Variants in ACOT13 observed in about 807,000 individuals in gnomAD.
The protein encoded by ACOT13 is acyl-coenzyme A thioesterase 13.
In ACOT13, 10 loss-of-function variants were observed where a neutral mutation model predicts 11.8. The ratio of observed to expected loss-of-function variants is 0.85; its 90% CI spans 0.53 to 1.44. ACOT13 has a LOEUF of 1.44. Among genes scored for constraint, ACOT13 ranks in the 40% most tolerant of loss-of-function variants. The pLI, the probability that ACOT13 is intolerant of heterozygous loss-of-function variation, is 0.00. For missense variants in ACOT13, 172 were observed against 174.1 expected, an observed-to-expected ratio of 0.99 and a Z score of 0.07; for synonymous variants, 53 against 61.0, an observed-to-expected ratio of 0.87 and a Z score of 0.61.
intron 2 of ACOT13, among the ~76,000 whole-genome samples, chr6:24,700,742 A>T (rs1581388594): frequency 6.6e-6 from 1 of 151,930 alleles, no homozygotes; most frequent in African/African-American, 2.4e-5. Flanking sequence ...GGCCAGATCC[A>T]CCTTTCTTAT....
intron 1 of ACOT13, among the ~76,000 whole-genome samples, chr6:24,686,002 G>A (rs1778624667): frequency 6.6e-6 from 1 of 151,704 alleles, no homozygotes; most frequent in Non-Finnish European, 1.5e-5. Context: ...AGACCACCCT[G>A]GCTAACATAG....
intron 1 of ACOT13, among the ~76,000 whole-genome samples, chr6:24,669,056 C>T (rs1025679608): frequency 6.6e-6 from 1 of 152,214 alleles, no homozygotes; most frequent in Non-Finnish European, 1.5e-5. Flanking sequence ...GTAAGAAAAT[C>T]ATGCTCCATA....
Position 24,667,184 on chromosome 6 carries a change from T to C in ACOT13, c.-80T>C, listed in dbSNP as rs1167188391. 15 of 1,445,072 alleles carry C rather than the reference T, an allele frequency of 1.0e-5. No individual in the cohort carries two copies. The highest frequency in any genetic ancestry group is 5.6e-5 in the Admixed American group (3 of 53,156). The allele number at this position is 1,445,072 out of a possible 1,614,324, so 89.5% of individuals were successfully genotyped here. A position where few individuals can be genotyped will look rare whatever the true frequency, so the allele number is the denominator to read the frequency against. On this transcript the variant is annotated 5_prime_UTR_variant, in exon 1 of 3. Transcript: ENST00000230048. Reference sequence around the variant, plus strand: ...GGCTCTTCGCCCTTTGTGTCCTCCTTCTTTCACTAACTTCTGGACTTTCCA... The same window carrying C: ...GGCTCTTCGCCCTTTGTGTCCTCCTCCTTTCACTAACTTCTGGACTTTCCA...
In ACOT13 at chr6:24,677,067, G is replaced by C. The variant is rs1778465864; in HGVS notation, c.81+9723G>C. Among the ~76,000 whole-genome samples the C allele has an allele frequency of 4.6e-5, 7 of 152,302 alleles. No individual in the cohort carries two copies. The South Asian group carries it at 1.5e-3, about 32-fold the overall frequency. On this transcript the variant is annotated intron_variant, in intron 1 of 2. Transcript: ENST00000230048. ...CCTGGAGTGAGGGGATTAGTTTCAA[G>C]TATTCCATTATCACTGACCACTGCA...
At chr6:24,668,814 T>G (rs1313098665) in intron 1 of ACOT13, among the ~76,000 whole-genome samples, 1 of 152,034 alleles carries the variant, frequency 6.6e-6, no homozygotes, top group Admixed American at 6.6e-5. Flanking sequence ...ATAATTTTTT[T>G]TAAGGGATAA....
At chr6:24,697,721 A>C (rs1231286111) in intron 1 of ACOT13, among the ~76,000 whole-genome samples, 162 bp from the exon 2 acceptor site, 2 of 152,244 alleles carry the variant, frequency 1.3e-5, no homozygotes, top group African/African-American at 4.8e-5. Context: ...CTTTAAAAAT[A>C]ACTTGCATAA....
chr6:24,691,204 C>T (rs1352660670), intron 1 of ACOT13, among the ~76,000 whole-genome samples: 1 of 152,142 alleles, frequency 6.6e-6, no homozygotes, highest in African/African-American at 2.4e-5. Context: ...TAGAATGCTC[C>T]TTGTTGACCT....
chr6:24,676,890 G>A (rs1778463441), intron 1 of ACOT13, among the ~76,000 whole-genome samples: 1 of 152,148 alleles, frequency 6.6e-6, no homozygotes, highest in Admixed American at 6.5e-5. Context: ...TGTTCCCTCG[G>A]AAGTTAGGAA....
chr6:24,675,053 A>C (rs1341140711), intron 1 of ACOT13, among the ~76,000 whole-genome samples: 4 of 152,030 alleles, frequency 2.6e-5, no homozygotes, highest in Non-Finnish European at 5.9e-5. Context: ...CCTACAAAGG[A>C]CATGAACTCA....
chr6:24,677,576 AGC>A (rs1321455986), intron 1 of ACOT13, among the ~76,000 whole-genome samples: 2 of 152,114 alleles, frequency 1.3e-5, no homozygotes, highest in Non-Finnish European at 2.9e-5. Flanking sequence ...GGACTCCTAG[AGC>A]TATTCCTGTT....
At chr6:24,699,208 C>CTT (rs1248890393) in intron 2 of ACOT13, among the ~76,000 whole-genome samples, 2,211 of 127,066 alleles carry the variant, frequency 0.017, 103 homozygotes, top group African/African-American at 0.058. Context: ...ATAATGTAGG[C>CTT]TTTTTTTTTT....
rs548639493 is a variant in ACOT13, at chr6:24,699,406, T to C, written c.266+1339T>C. Among the ~76,000 whole-genome samples, 8 of 152,250 alleles carry C rather than the reference T, an allele frequency of 5.3e-5. No homozygotes were observed. In the South Asian group the frequency reaches 1.7e-3, roughly 32 times the overall value. On this transcript the variant is annotated intron_variant, in intron 2 of 2. Coordinates refer to ENST00000230048, the MANE Select transcript of ACOT13 (RefSeq NM_018473.4). ...TTTGTATTTTTAGTAGAGATGGGGT[T>C]TCACCGTGTTAGCCAGGCTGGTCTC... is the stretch of plus-strand genomic sequence containing the variant.
At chr6:24,698,831 T>C (rs1216778777) in intron 2 of ACOT13, among the ~76,000 whole-genome samples, 1 of 152,054 alleles carries the variant, frequency 6.6e-6, no homozygotes, top group Non-Finnish European at 1.5e-5. Context: ...AAAGACGGGG[T>C]TTCACCATGT....
intron 1 of ACOT13, among the ~76,000 whole-genome samples, chr6:24,695,154 C>CAAAA (rs1351647408): frequency 6.6e-6 from 1 of 152,018 alleles, no homozygotes; most frequent in Non-Finnish European, 1.5e-5. Context: ...ACTAAAAATA[C>CAAAA]AAAAATTAGC....
At chr6:24,696,116 C>T (rs1481577569) in intron 1 of ACOT13, among the ~76,000 whole-genome samples, 2 of 152,098 alleles carry the variant, frequency 1.3e-5, no homozygotes, top group Admixed American at 6.6e-5. Context: ...AAATCCTGTT[C>T]TAAAATTTAT....
chr6:24,679,847 A>G (rs1778518472), intron 1 of ACOT13, among the ~76,000 whole-genome samples: 1 of 152,226 alleles, frequency 6.6e-6, no homozygotes, highest in Admixed American at 6.5e-5. Context: ...CAGTATAGCC[A>G]TCAGGGTTAT....
intron 1 of ACOT13, among the ~76,000 whole-genome samples, chr6:24,679,593 C>T (rs1017572736): frequency 2.2e-4 from 34 of 152,186 alleles, no homozygotes; most frequent in African/African-American, 8.2e-4. Context: ...CACCAATTTC[C>T]ATGTTCTGAT....
intron 1 of ACOT13, among the ~76,000 whole-genome samples, chr6:24,686,371 G>T (rs936624820): frequency 2.0e-5 from 3 of 152,134 alleles, no homozygotes; most frequent in African/African-American, 7.2e-5. Context: ...CTGAGACTGG[G>T]TAATTTATAA....
At chr6:24,681,609 G>A (rs1298514773) in intron 1 of ACOT13, among the ~76,000 whole-genome samples, 1 of 151,706 alleles carries the variant, frequency 6.6e-6, no homozygotes, top group African/African-American at 2.4e-5. Flanking sequence ...TACAAACTTG[G>A]GGCCCTGGCA....
Sources: allele counts gnomAD v4.1 joint callset (sites outside exome capture counted in the v4.1 genomes callset), GRCh38; gene constraint gnomAD v4.1.1; transcripts MANE v1.5; gene names NCBI Gene and HGNC (gene_info 2026-07-23, HGNC 2026-07-21).